Variants in APOBEC3D observed in about 807,000 individuals in gnomAD.
APOBEC3D encodes the protein DNA dC->dU-editing enzyme APOBEC-3D.
In APOBEC3D, 37 loss-of-function variants were observed where a neutral mutation model predicts 45.6. The observed-to-expected ratio is 0.81, with a 90% CI of 0.62 to 1.07. The LOEUF (loss-of-function observed/expected upper bound fraction) is 1.07. Ranked by LOEUF, APOBEC3D falls within the 50% of genes least tolerant of loss-of-function variation. The pLI is 0.00. For synonymous variants in APOBEC3D, 175 were observed against 180.7 expected (o/e 0.97, Z 0.25); for missense variants, 496 against 495.3 (o/e 1.00, Z -0.01).
chr22:39,021,620 T>G (rs1268008609), intron 1 of APOBEC3D, 84 bp downstream of exon 1: 1 of 1,566,754 alleles, frequency 6.4e-7, no homozygotes, highest in African/African-American at 1.4e-5. Context: ...GGCCTCCCCC[T>G]GCCCCAGCCC....
At position 39,031,186 on chromosome 22, in the gene APOBEC3D, T is replaced by A. The variant is rs866514422; in HGVS notation, c.763-508T>A. 5.9e-5 allele frequency among the ~76,000 whole-genome samples: 9 copies of A among 151,280 alleles called. No individual in the cohort carries two copies. The Middle Eastern group carries it at 0.014, about 229-fold the overall frequency. On this transcript the variant is annotated intron_variant, in intron 5 of 6. Transcript: ENST00000216099. ...ATCTCAGAAAAAAATAATAAAAAAA[T>A]AAAGAGGAAGGAGAAGGATGGAATA... is the stretch of plus-strand genomic sequence containing the variant.
At chr22:39,025,737 C>G (rs1057330058) in intron 4 of APOBEC3D, 66 bp downstream of exon 4, 6 of 1,607,386 alleles carry the variant, frequency 3.7e-6, no homozygotes, top group Non-Finnish European at 5.1e-6. Flanking sequence ...CCTGAGGACT[C>G]CCCTGGCTGG....
chr22:39,032,320 G>C lies in APOBEC3D; in HGVS notation c.*4G>C. On this transcript the variant is annotated 3_prime_UTR_variant, in exon 7 of 7. Transcript: ENST00000216099. ...GCTACGGGAGATTCTCCAGTGAGGG[G>C]TCTCCCTGGGCCTCATGGTCTGTCT... 6.2e-7 allele frequency: 1 copy of C among 1,613,864 alleles called. No individual in the cohort carries two copies. Among genetic ancestry groups the C allele is most frequent in the Non-Finnish European group, 8.5e-7 (1 of 1,179,876 alleles).
intron 6 of APOBEC3D, 111 bp from the exon 7 acceptor site, chr22:39,032,087 C>A: frequency 6.3e-7 from 1 of 1,581,176 alleles, no homozygotes; most frequent in South Asian, 1.2e-5. Flanking sequence ...AGGGATGGGG[C>A]CGGCGCCAGC....
At chr22:39,027,444 G>A (rs906177712) in intron 4 of APOBEC3D, among the ~76,000 whole-genome samples, 10 of 152,162 alleles carry the variant, frequency 6.6e-5, no homozygotes, top group African/African-American at 2.2e-4. Flanking sequence ...CAGGATCCAG[G>A]GGTCCCTCCG....
intron 4 of APOBEC3D, among the ~76,000 whole-genome samples, chr22:39,028,323 T>C (rs1175621437): frequency 1.3e-5 from 2 of 152,248 alleles, no homozygotes; most frequent in African/African-American, 4.8e-5. Flanking sequence ...CCGCAGGGCC[T>C]GCGATGCAGA....
intron 5 of APOBEC3D, among the ~76,000 whole-genome samples, chr22:39,031,396 C>T (rs78384339): frequency 0.016 from 2,506 of 152,176 alleles, 74 homozygotes; most frequent in African/African-American, 0.057. Flanking sequence ...GGCACGACTC[C>T]GTCTCCACAA....
chr22:39,025,094 G>C lies in APOBEC3D; in HGVS notation c.235G>C (p.Ala79Pro), dbSNP rs752483265. The part of the protein sequence containing the change: ...QEVYFRFENH[A>P]EMCFLSWFCG... ...GGTGTATTTCCGGTTTGAGAACCAC[G>C]CAGAAATGTGCTTCTTATCTTGGTT... Residue 79 changes from alanine to proline, a missense_variant, in exon 3 of 7, where the codon GCA (alanine) becomes CCA (proline). Ala to Pro is a conservative substitution (Grantham distance 27, BLOSUM62 -1). Transcript: ENST00000216099. 3.9e-5 allele frequency: 58 copies of C among 1,484,338 alleles called. No individual in the cohort carries two copies. Among genetic ancestry groups the C allele is most frequent in the Non-Finnish European group, 5.3e-5 (58 of 1,098,552 alleles). 91.9% of individuals were successfully genotyped at this position (1,484,338 alleles called of 1,614,324 possible).
chr22:39,025,024 C>CAGG, intron 2 of APOBEC3D, 46 bp from the exon 3 acceptor site: 1 of 1,417,350 alleles, frequency 7.1e-7, no homozygotes, highest in Non-Finnish European at 9.5e-7. Context: ...CGCACCCCTC[C>CAGG]TGTTCCCCCG....
In APOBEC3D at chr22:39,025,653, C is replaced by A. The variant is rs776326105; in HGVS notation, c.587C>A (p.Thr196Lys). 1 of 1,614,116 alleles carries A rather than the reference C, an allele frequency of 6.2e-7. No homozygotes were observed. The highest frequency in any genetic ancestry group is 2.2e-5 in the East Asian group (1 of 44,882). ...FDDNYASLHRTLKEILRNPME... is the reference protein window; with the variant it reads ...FDDNYASLHRKLKEILRNPME... ...GACAATTATGCATCCCTGCACCGCACGCTAAAGGAGATTCTCAGGTGAGGG... is the reference window on the plus strand; with the variant it reads ...GACAATTATGCATCCCTGCACCGCAAGCTAAAGGAGATTCTCAGGTGAGGG... Residue 196 changes from threonine (T) to lysine (K), a missense_variant, in exon 4 of 7, where the codon ACG becomes AAG. Thr to Lys is a moderately conservative substitution (Grantham distance 78, BLOSUM62 -1). Coordinates refer to ENST00000216099, the MANE Select transcript of APOBEC3D (RefSeq NM_152426.4).
intron 1 of APOBEC3D, among the ~76,000 whole-genome samples, 156 bp downstream of exon 1, chr22:39,021,692 C>T (rs1925127157): frequency 6.6e-6 from 1 of 152,156 alleles, no homozygotes; most frequent in African/African-American, 2.4e-5. Flanking sequence ...AGACTCCTTG[C>T]CCTGCTGTGT....
At chr22:39,023,119 T>G (rs1248879109) in intron 2 of APOBEC3D, 105 bp downstream of exon 2, 1 of 944,110 alleles carries the variant, frequency 1.1e-6, no homozygotes, top group Non-Finnish European at 1.4e-6. Flanking sequence ...ATTTATTTAT[T>G]TATTTATTTA....
chr22:39,029,169 C>T (rs1925963166), intron 4 of APOBEC3D, among the ~76,000 whole-genome samples, 194 bp from the exon 5 acceptor site: 1 of 152,168 alleles, frequency 6.6e-6, no homozygotes, highest in Non-Finnish European at 1.5e-5. Flanking sequence ...AGAGGTCACC[C>T]TGTCCCTGCT....
Position 39,032,587 on chromosome 22 carries a change from ATCTTT to A in APOBEC3D, c.*273_*277del. The A allele has an allele frequency of 9.4e-7, 1 of 1,065,260 alleles. No individual in the cohort carries two copies. Among genetic ancestry groups the A allele is most frequent in the Non-Finnish European group, 1.1e-6 (1 of 892,768 alleles). 66.0% of individuals were successfully genotyped at this position (1,065,260 alleles called of 1,614,324 possible). A position where few individuals can be genotyped will look rare whatever the true frequency, so the allele number is the denominator to read the frequency against. Reference sequence around the variant, plus strand: ...CTTCCCATCTCCCCAGCATAACCAAATCTTTTTTTTTTTTTTTTTTTTTTGAGACG... The same window carrying A: ...CTTCCCATCTCCCCAGCATAACCAAATTTTTTTTTTTTTTTTTTTGAGACG... On this transcript the variant is annotated 3_prime_UTR_variant, in exon 7 of 7. Coordinates refer to ENST00000216099, the MANE Select transcript of APOBEC3D (RefSeq NM_152426.4).
chr22:39,030,414 A>G (rs1180028548), intron 5 of APOBEC3D, among the ~76,000 whole-genome samples: 4 of 152,248 alleles, frequency 2.6e-5, no homozygotes, highest in Non-Finnish European at 4.4e-5. Flanking sequence ...AGGACTCAGG[A>G]TGGAAGCGCA....
chr22:39,023,350 A>C (rs555629444), intron 2 of APOBEC3D, among the ~76,000 whole-genome samples: 16 of 151,976 alleles, frequency 1.1e-4, no homozygotes, highest in African/African-American at 3.6e-4. Flanking sequence ...TCCTGATCTC[A>C]GGTGATTCAC....
intron 4 of APOBEC3D, among the ~76,000 whole-genome samples, chr22:39,028,494 T>C (rs1449061811): frequency 1.3e-5 from 2 of 152,334 alleles, no homozygotes; most frequent in African/African-American, 4.8e-5. Flanking sequence ...CTCAGACATA[T>C]GCAGCACTTA....
chr22:39,032,160 G>A (rs758314809), intron 6 of APOBEC3D, 38 bp from the exon 7 acceptor site: 1 of 1,607,550 alleles, frequency 6.2e-7, no homozygotes, highest in East Asian at 2.2e-5. Flanking sequence ...AGAGAGGCTT[G>A]CTGGGCCCTC....
chr22:39,023,505 T>C (rs1218919320), intron 2 of APOBEC3D, among the ~76,000 whole-genome samples: 2 of 148,752 alleles, frequency 1.3e-5, no homozygotes, highest in East Asian at 4.0e-4. Context: ...TAGAGTGCAA[T>C]GGCTCAATCT....
Sources: allele counts gnomAD v4.1 joint callset (sites outside exome capture counted in the v4.1 genomes callset), GRCh38; gene constraint gnomAD v4.1.1; transcripts MANE v1.5; gene names NCBI Gene and HGNC (gene_info 2026-07-23, HGNC 2026-07-21).